Variants in TEX15 observed in about 807,000 individuals in gnomAD.
TEX15 encodes testis-expressed protein 15.
Under a neutral mutation model 237.3 loss-of-function variants are expected in TEX15, and 171 were observed. That is an observed-to-expected ratio of 0.72 (90% CI 0.64 to 0.82). TEX15 has a LOEUF of 0.82. TEX15 is among the 40% of genes least tolerant of loss of function. The pLI, the probability that TEX15 is intolerant of heterozygous loss-of-function variation, is 0.00. For synonymous variants in TEX15, 1,338 were observed against 1,269.8 expected (o/e 1.05, Z -1.14); for missense variants, 3,750 against 3,646.5 (o/e 1.03, Z -0.73).
rs1458246741 is a variant in TEX15, at chr8:30,887,295, A to G, written c.8T>C (p.Met3Thr). Residue 3 changes from methionine (M) to threonine (T), a missense_variant, in exon 3 of 11, where the codon ATG becomes ACG. Coordinates refer to ENST00000643185, the MANE Select transcript of TEX15 (RefSeq NM_001350162.2). ...TGTATCCTGTTTAGCAGTTTCTTTC[A>G]TTTCCATTTTGTTGGCCTAAAATCA... ME[M>T]KETAKQDTLW... The G allele has an allele frequency of 6.5e-7, 1 of 1,529,946 alleles. No individual in the cohort carries two copies. Among genetic ancestry groups the G allele is most frequent in the Non-Finnish European group, 8.7e-7 (1 of 1,145,062 alleles). The allele number at this position is 1,529,946 out of a possible 1,614,324, so 94.8% of individuals were successfully genotyped here. A position where few individuals can be genotyped will look rare whatever the true frequency, so the allele number is the denominator to read the frequency against.
chr8:30,845,059 C>T lies in TEX15; in HGVS notation c.5108G>A (p.Gly1703Asp), dbSNP rs572676775. ...TGCTATCAAAGTTAGGTTTAATGGG[C>T]CCATAAGGAAGTTTCCTGTAATAAT... Reference protein sequence around the residue: ...QNIITGNFLMGPLNLTLIASK... With the variant: ...QNIITGNFLMDPLNLTLIASK... Residue 1703 changes from glycine to aspartate, a missense_variant, in exon 8 of 11, where the codon GGC (glycine) becomes GAC (aspartate). Physicochemically the swap from Gly to Asp is moderately conservative, Grantham distance 94 (BLOSUM62 -1). Coordinates refer to ENST00000643185, the MANE Select transcript of TEX15 (RefSeq NM_001350162.2). The T allele has an allele frequency of 7.4e-5, 119 of 1,613,510 alleles. No homozygotes were observed. Among genetic ancestry groups the T allele is most frequent in the Non-Finnish European group, 9.6e-5 (113 of 1,179,524 alleles).
chr8:30,844,919 C>T lies in TEX15; in HGVS notation c.5248G>A (p.Ala1750Thr), dbSNP rs1807559325. 1.2e-6 allele frequency: 2 copies of T among 1,613,314 alleles called. No homozygotes were observed. The highest frequency in any genetic ancestry group is 1.7e-6 in the Non-Finnish European group (2 of 1,179,526). Residue 1750 changes from alanine to threonine, a missense_variant, in exon 8 of 11, where the codon GCA becomes ACA. Ala to Thr is a moderately conservative substitution (Grantham distance 58). Transcript: ENST00000643185. ...QRILTVDSFAASSTVPHCEQS... is the reference protein window; with the variant it reads ...QRILTVDSFATSSTVPHCEQS... ...TCACAGTGTGGTACAGTACTGGATG[C>T]TGCAAAAGAATCTACAGTAAGAATT...
chr8:30,863,451 C>A (rs1222290735), intron 5 of TEX15, among the ~76,000 whole-genome samples: 1 of 151,976 alleles, frequency 6.6e-6, no homozygotes, highest in Non-Finnish European at 1.5e-5. Flanking sequence ...TTTTTGTGGG[C>A]CAGAGTGGGC....
intron 1 of TEX15, among the ~76,000 whole-genome samples, chr8:30,901,220 G>GTACC (rs1303398988): frequency 6.6e-6 from 1 of 152,182 alleles, no homozygotes; most frequent in African/African-American, 2.4e-5. Flanking sequence ...ATCTAGTAGA[G>GTACC]TACCTATAAA....
chr8:30,847,042 A>G lies in TEX15; in HGVS notation c.3125T>C (p.Phe1042Ser). ...DTDKNKSQES[F>S]HQSINENLVL... ...TAAGTTCTCATTTATTGATTGATGAAATGATTCTTGTGATTTATTTTTATC... is the reference window on the plus strand; with the variant it reads ...TAAGTTCTCATTTATTGATTGATGAGATGATTCTTGTGATTTATTTTTATC... The change falls in exon 8 of 11, where the codon TTT becomes TCT. Residue 1042 changes from phenylalanine (F) to serine (S), a missense_variant. Coordinates refer to ENST00000643185, the MANE Select transcript of TEX15 (RefSeq NM_001350162.2). The G allele has an allele frequency of 6.2e-7, 1 of 1,612,908 alleles. No homozygotes were observed. The highest frequency in any genetic ancestry group is 8.5e-7 in the Non-Finnish European group (1 of 1,179,306).
At chr8:30,877,018 G>GT (rs2128773720) in intron 3 of TEX15, among the ~76,000 whole-genome samples, 1 of 152,230 alleles carries the variant, frequency 6.6e-6, no homozygotes, top group African/African-American at 2.4e-5. Flanking sequence ...TGCCATGATT[G>GT]TAAGTTTCCT....
At chr8:30,879,717 A>G (rs1808477882) in intron 3 of TEX15, among the ~76,000 whole-genome samples, 1 of 152,116 alleles carries the variant, frequency 6.6e-6, no homozygotes, top group South Asian at 2.1e-4. Flanking sequence ...ATTTCCATAT[A>G]CTTCTTCTAT....
intron 10 of TEX15, among the ~76,000 whole-genome samples, chr8:30,833,989 T>C (rs77226494): frequency 1.3e-5 from 2 of 152,286 alleles, no homozygotes; most frequent in African/African-American, 4.8e-5. Context: ...GCCCAAACTA[T>C]GAGAACCCTT....
chr8:30,853,312 T>C (rs1403136351), intron 7 of TEX15, among the ~76,000 whole-genome samples: 1 of 152,054 alleles, frequency 6.6e-6, no homozygotes, highest in African/African-American at 2.4e-5. Context: ...AAGAGAACAC[T>C]TGAACAAACT....
intron 9 of TEX15, among the ~76,000 whole-genome samples, chr8:30,838,494 C>T (rs1367570448): frequency 6.6e-6 from 1 of 152,006 alleles, no homozygotes; most frequent in East Asian, 1.9e-4. Flanking sequence ...GATTTCTTCC[C>T]TCTCTGTTAT....
intron 2 of TEX15, among the ~76,000 whole-genome samples, chr8:30,896,678 T>C (rs1461763062): frequency 6.6e-6 from 1 of 152,194 alleles, no homozygotes; most frequent in East Asian, 1.9e-4. Flanking sequence ...TATTGACCAC[T>C]TCCTCAGAAA....
chr8:30,836,217 T>TG (rs1203118059), intron 10 of TEX15, among the ~76,000 whole-genome samples: 1 of 127,826 alleles, frequency 7.8e-6, no homozygotes, highest in Non-Finnish European at 1.6e-5. Context: ...TTTTTTTTTT[T>TG]TTTTTTTTTT....
chr8:30,845,156 G>T lies in TEX15; in HGVS notation c.5011C>A (p.Leu1671Ile), dbSNP rs563432875. 6.2e-7 allele frequency: 1 copy of T among 1,613,374 alleles called. No individual in the cohort carries two copies. Among genetic ancestry groups the T allele is most frequent in the South Asian group, 1.1e-5 (1 of 91,060 alleles). ...TTTCTTTTACAATCAGATAAAATAA[G>T]GTTACCTTGTTGGTAGAGATCATTT... ...FLNDLYQQGN[L>I]ILSDCKRNLE... The change falls in exon 8 of 11, where the codon CTT (leucine) becomes ATT (isoleucine). Residue 1671 changes from leucine to isoleucine, a missense_variant. Coordinates refer to ENST00000643185, the MANE Select transcript of TEX15 (RefSeq NM_001350162.2).
chr8:30,849,440 A>C, intron 7 of TEX15, 124 bp from the exon 8 acceptor site: 3 of 538,674 alleles, frequency 5.6e-6, no homozygotes, highest in Non-Finnish European at 9.4e-6. Context: ...GATGATTAAA[A>C]TGTGTTTTCA....
At chr8:30,888,555 A>G (rs1196512577) in intron 2 of TEX15, 3 of 1,160,514 alleles carry the variant, frequency 2.6e-6, no homozygotes, top group Non-Finnish European at 3.4e-6. Context: ...AACCTCTTTA[A>G]GTAGAACTCA....
At chr8:30,857,214 T>G (rs1209663509) in intron 7 of TEX15, among the ~76,000 whole-genome samples, 3 of 152,158 alleles carry the variant, frequency 2.0e-5, no homozygotes, top group Non-Finnish European at 4.4e-5. Context: ...TCCAATAAAC[T>G]GTACTGAGAC....
chr8:30,848,448 T>C lies in TEX15; in HGVS notation c.1719A>G (p.Thr573=), dbSNP rs1386885399. ...GAAAAATGTGACTACTGTACTCTTT[T>C]GTATAAGCATTACCGGACTCCTGTT... The part of the protein sequence containing the change: ...RAQQESGNAY[T]KEYSSHIFQD... Residue 573 remains threonine (T), a synonymous_variant, in exon 8 of 11, where the codon ACA becomes ACG. Coordinates refer to ENST00000643185, the MANE Select transcript of TEX15 (RefSeq NM_001350162.2). 1.2e-6 allele frequency: 2 copies of C among 1,614,162 alleles called. No individual in the cohort carries two copies. Among genetic ancestry groups the C allele is most frequent in the Non-Finnish European group, 1.7e-6 (2 of 1,180,002 alleles).
At chr8:30,879,251 CAG>C (rs1808469427) in intron 3 of TEX15, among the ~76,000 whole-genome samples, 1 of 152,284 alleles carries the variant, frequency 6.6e-6, no homozygotes, top group South Asian at 2.1e-4. Flanking sequence ...ACCTTCCTAA[CAG>C]AGTCTTTCGC....
chr8:30,884,005 C>T (rs187062392), intron 3 of TEX15, among the ~76,000 whole-genome samples: 168 of 152,262 alleles, frequency 1.1e-3, no homozygotes, highest in Admixed American at 5.8e-3. Flanking sequence ...CCCACCTCAG[C>T]TTCCCAAGCA....
Sources: gnomAD v4.1 joint callset for allele counts (sites outside exome capture counted in the v4.1 genomes callset) on GRCh38, gnomAD v4.1.1 for gene constraint, MANE v1.5 for transcripts, NCBI Gene and HGNC (gene_info 2026-07-23, HGNC 2026-07-21) for gene names.